Variants in DGKH observed in about 807,000 individuals in gnomAD.
DGKH encodes the protein DAG kinase eta.
DGKH carries 90 observed loss-of-function variants against 159.3 expected under a neutral mutation model. That is an observed-to-expected ratio of 0.57 (90% CI 0.48 to 0.67). The LOEUF is 0.67. Among genes scored for constraint, DGKH ranks in the 30% least tolerant of loss-of-function variants. The pLI is 0.00. For missense variants in DGKH, 1,181 were observed against 1,506.1 expected, an observed-to-expected ratio of 0.78 and a Z score of 3.57; for synonymous variants, 536 against 553.8, an observed-to-expected ratio of 0.97 and a Z score of 0.45.
intron 30 of DGKH, chr13:42,255,832 A>C: frequency 1.5e-6 from 1 of 645,884 alleles, no homozygotes; most frequent in Non-Finnish European, 2.6e-6. Context: ...TAATATATAA[A>C]AAGGGCAGCC....
At chr13:42,078,314 A>AG (rs1318838745) in intron 1 of DGKH, among the ~76,000 whole-genome samples, 33 of 152,298 alleles carry the variant, frequency 2.2e-4, no homozygotes, top group African/African-American at 7.7e-4. Flanking sequence ...TGCCATCTAG[A>AG]GGTCAGGAGG....
chr13:42,105,093 T>C (rs191039454), intron 1 of DGKH, among the ~76,000 whole-genome samples: 2 of 152,246 alleles, frequency 1.3e-5, no homozygotes, highest in African/African-American at 4.8e-5. Context: ...TTAGTGCTGC[T>C]ATAATAGAAT....
downstream of DGKH, among the ~76,000 whole-genome samples, chr13:42,246,472 T>G (rs1274589561): frequency 6.6e-6 from 1 of 152,116 alleles, no homozygotes; most frequent in Non-Finnish European, 1.5e-5. Flanking sequence ...GTCATAGCAG[T>G]GTATAACACT....
intron 3 of DGKH, chr13:42,153,947 TG>T (rs1300097727): frequency 1.3e-5 from 2 of 152,202 alleles, no homozygotes; most frequent in African/African-American, 4.8e-5. Flanking sequence ...TCAAAGCTTC[TG>T]GGTTTAAGGA....
At chr13:42,046,099 T>C (rs1253856044), upstream of DGKH, among the ~76,000 whole-genome samples, 1 of 152,220 alleles carries the variant, frequency 6.6e-6, no homozygotes, top group Non-Finnish European at 1.5e-5. Flanking sequence ...TTTAATAGTG[T>C]GTTTGTCACA....
At chr13:42,219,983 T>G (rs1231957480) in intron 28 of DGKH, among the ~76,000 whole-genome samples, 189 bp downstream of exon 28, 1 of 152,096 alleles carries the variant, frequency 6.6e-6, no homozygotes, top group Non-Finnish European at 1.5e-5. Flanking sequence ...CTTTATGAAT[T>G]TTACCATAAA....
intron 13 of DGKH, among the ~76,000 whole-genome samples, chr13:42,180,955 C>A (rs1386910127): frequency 6.6e-6 from 1 of 152,118 alleles, no homozygotes; most frequent in Admixed American, 6.5e-5. Flanking sequence ...AAATTCTATA[C>A]CATCTTAATG....
At chr13:42,160,938 G>A (rs1288567057) in intron 7 of DGKH, among the ~76,000 whole-genome samples, 1 of 152,040 alleles carries the variant, frequency 6.6e-6, no homozygotes, top group Non-Finnish European at 1.5e-5. Context: ...TTGTCTGATA[G>A]GCTACAAAGG....
intron 1 of DGKH, among the ~76,000 whole-genome samples, chr13:42,061,421 AAAAAG>A (rs1224889858): frequency 6.6e-6 from 1 of 152,210 alleles, no homozygotes; most frequent in Non-Finnish European, 1.5e-5. Context: ...GCTTTTTATT[AAAAAG>A]AAAAGCCTTA....
intron 30 of DGKH, chr13:42,256,108 A>G: frequency 8.4e-7 from 1 of 1,193,666 alleles, no homozygotes; most frequent in Non-Finnish European, 1.3e-6. Flanking sequence ...GTATCATGCC[A>G]GGCAAGGTGA....
chr13:42,170,145 A>C lies in DGKH; in HGVS notation c.1367+1327A>C, dbSNP rs570754231. 3.9e-4 allele frequency among the ~76,000 whole-genome samples: 60 copies of C among 152,354 alleles called. No homozygotes were observed. The South Asian group carries it at 0.012, about 31-fold the overall frequency. Reference sequence around the variant, plus strand: ...CTGTCCAATTCTGTGGTTACCAAACAAAAGGGGTTATTTAAATGCTGTCTT... The same window carrying C: ...CTGTCCAATTCTGTGGTTACCAAACCAAAGGGGTTATTTAAATGCTGTCTT... On this transcript the variant is annotated intron_variant, in intron 11 of 29. Transcript: ENST00000337343.
At chr13:42,118,557 G>A (rs1307690280) in intron 1 of DGKH, among the ~76,000 whole-genome samples, 1 of 152,230 alleles carries the variant, frequency 6.6e-6, no homozygotes, top group Non-Finnish European at 1.5e-5. Flanking sequence ...TACACAGACA[G>A]GATAAGGATG....
intron 1 of DGKH, among the ~76,000 whole-genome samples, chr13:42,049,204 CG>C (rs568910038): frequency 7.9e-6 from 1 of 126,996 alleles, no homozygotes. Flanking sequence ...GGGCGGGGCC[CG>C]GGGGCGCTGG....
intron 1 of DGKH, among the ~76,000 whole-genome samples, chr13:42,098,676 G>T (rs1954593580): frequency 6.6e-6 from 1 of 152,070 alleles, no homozygotes; most frequent in Non-Finnish European, 1.5e-5. Context: ...TCTAAATGAT[G>T]CAGTGAATAT....
At chr13:42,225,417 T>C (rs570067612) in intron 29 of DGKH, 586 of 1,214,212 alleles carry the variant, frequency 4.8e-4, no homozygotes, top group Middle Eastern at 1.2e-3. Context: ...GATAACTGAA[T>C]ATCTACAAAG....
At chr13:42,097,842 C>T (rs1217696538) in intron 1 of DGKH, among the ~76,000 whole-genome samples, 1 of 152,138 alleles carries the variant, frequency 6.6e-6, no homozygotes, top group African/African-American at 2.4e-5. Flanking sequence ...AATACATTTT[C>T]ACCCAATCCT....
intron 1 of DGKH, chr13:42,069,328 A>T (rs1882801047): frequency 1.3e-5 from 16 of 1,259,022 alleles, no homozygotes; most frequent in Non-Finnish European, 1.8e-5. Context: ...GAAGATGGGT[A>T]CAAAGTTTCT....
At chr13:42,115,599 T>C (rs142739192) in intron 1 of DGKH, among the ~76,000 whole-genome samples, 45 of 152,282 alleles carry the variant, frequency 3.0e-4, no homozygotes, top group African/African-American at 1.0e-3. Context: ...GTGAAAAAGC[T>C]TGGACACAGG....
chr13:42,071,103 CT>C, intron 1 of DGKH: 1 of 925,948 alleles, frequency 1.1e-6, no homozygotes, highest in Non-Finnish European at 1.6e-6. Flanking sequence ...CTTTGAAACC[CT>C]TATGATTGCC....
Sources: allele counts gnomAD v4.1 joint callset (sites outside exome capture counted in the v4.1 genomes callset), GRCh38; gene constraint gnomAD v4.1.1; transcripts MANE v1.5; gene names NCBI Gene and HGNC (gene_info 2026-07-23, HGNC 2026-07-21).